GAA: variants seen among roughly 807,000 people sequenced by gnomAD.
GAA encodes alpha glucosidase, also known as lysosomal alpha-glucosidase.
GAA carries 88 observed loss-of-function variants against 103.9 expected under a neutral mutation model. The observed-to-expected ratio is 0.85, with a 90% CI of 0.71 to 1.01. The LOEUF is 1.01. Ranked by LOEUF, GAA falls within the 50% of genes least tolerant of loss-of-function variation. GAA has a pLI of 0.00. For synonymous variants in GAA, 572 were observed against 563.1 expected, an observed-to-expected ratio of 1.02 and a Z score of -0.22; for missense variants, 1,350 against 1,305.3, an observed-to-expected ratio of 1.03 and a Z score of -0.53.
Position 80,108,504 on chromosome 17 carries a change from C to A in GAA, c.1091C>A (p.Pro364Gln). Reference sequence around the variant, plus strand: ...TGGCCTGCAGGATACCCGTTCATGCCGCCATACTGGGGCCTGGGCTTCCAC... The same window carrying A: ...TGGCCTGCAGGATACCCGTTCATGCAGCCATACTGGGGCCTGGGCTTCCAC... ...YLDVVGYPFMPPYWGLGFHLC... is the reference protein window; with the variant it reads ...YLDVVGYPFMQPYWGLGFHLC... Residue 364 changes from proline (P) to glutamine (Q), a missense_variant, in exon 7 of 20, where the codon CCG (proline) becomes CAG (glutamine). Physicochemically the swap from Pro to Gln is moderately conservative, Grantham distance 76. Transcript: ENST00000302262. The A allele has an allele frequency of 6.2e-7, 1 of 1,613,138 alleles. No homozygotes were observed. Among genetic ancestry groups the A allele is most frequent in the Non-Finnish European group, 8.5e-7 (1 of 1,179,996 alleles).
intron 11 of GAA, 93 bp downstream of exon 11, chr17:80,111,118 C>G: frequency 1.7e-6 from 2 of 1,176,184 alleles, no homozygotes; most frequent in Non-Finnish European, 2.4e-6. Flanking sequence ...CTCTGAGAAG[C>G]AGATGGGCCA....
At position 80,107,801 on chromosome 17, in the gene GAA, C is replaced by A; in HGVS notation, c.860C>A (p.Pro287His). 1 of 1,611,416 alleles carries A rather than the reference C, an allele frequency of 6.2e-7. No individual in the cohort carries two copies. Among genetic ancestry groups the A allele is most frequent in the South Asian group, 1.1e-5 (1 of 90,952 alleles). ...AGCGCCGTCTCCTGCATGTCCCAGC[C>A]CGGTGCGAACCTCTACGGGTCTCAC... is the stretch of plus-strand genomic sequence containing the variant. ...TLWNRDLAPT[P>H]GANLYGSHPF... The change falls in exon 5 of 20, where the codon CCC becomes CAC. Residue 287 changes from proline (P) to histidine (H), a missense_variant and splice_region_variant. By Grantham distance (77) the Pro-to-His change is moderately conservative (BLOSUM62 -2). Coordinates refer to ENST00000302262, the MANE Select transcript of GAA (RefSeq NM_000152.5).
In GAA at chr17:80,118,313, C is replaced by A; in HGVS notation, c.2602C>A (p.Leu868Met). 6.3e-7 allele frequency: 1 copy of A among 1,586,314 alleles called. No homozygotes were observed. The highest frequency in any genetic ancestry group is 8.6e-7 in the Non-Finnish European group (1 of 1,164,114). Residue 868 changes from leucine (L) to methionine (M), a missense_variant, in exon 18 of 20, where the codon CTG (leucine) becomes ATG (methionine). Coordinates refer to ENST00000302262, the MANE Select transcript of GAA (RefSeq NM_000152.5). Reference sequence around the variant, plus strand: ...GGACGATGGAGAGAGCCTGGAAGTGCTGGAGCGAGGGGCCTACACACAGGT... The same window carrying A: ...GGACGATGGAGAGAGCCTGGAAGTGATGGAGCGAGGGGCCTACACACAGGT... ...FWDDGESLEV[L>M]ERGAYTQVIF...
rs1234721529 is a variant in GAA, at chr17:80,112,559, G to A, written c.1755-19G>A. 8 of 1,612,718 alleles carry A rather than the reference G, an allele frequency of 5.0e-6. No homozygotes were observed. Among genetic ancestry groups the A allele is most frequent in the Non-Finnish European group, 8.5e-7 (1 of 1,179,938 alleles). On this transcript the variant is annotated intron_variant, in intron 12 of 19. Transcript: ENST00000302262. The stretch of plus-strand genomic sequence containing the variant: ...GACCCCGCTCCACACAGCCCTCACG[G>A]TGTCCCCCACCACCCCAGGGCGCTG...
chr17:80,112,499 C>T, intron 12 of GAA, 79 bp from the exon 13 acceptor site: 1 of 1,575,000 alleles, frequency 6.3e-7, no homozygotes, highest in Non-Finnish European at 8.7e-7. Context: ...CTCCTTGCTC[C>T]CAGCTCTGCC....
chr17:80,113,183 C>T (rs749823115), intron 14 of GAA, 35 bp from the exon 15 acceptor site: 31 of 1,571,234 alleles, frequency 2.0e-5, no homozygotes, highest in Non-Finnish European at 2.6e-5. Context: ...GGCCCCAGCA[C>T]CCAAGTGCTT....
chr17:80,108,998 C>G (rs1001091851), intron 8 of GAA, among the ~76,000 whole-genome samples, 170 bp downstream of exon 8: 4 of 152,178 alleles, frequency 2.6e-5, no homozygotes, highest in African/African-American at 9.7e-5. Context: ...CCCCAGCTGT[C>G]CAGGGAGGTC....
chr17:80,119,151 C>G (rs1477916644), intron 19 of GAA, 121 bp from the exon 20 acceptor site: 3 of 1,030,318 alleles, frequency 2.9e-6, no homozygotes, highest in South Asian at 1.3e-5. Flanking sequence ...GGAGCTGCCC[C>G]CTGAGCGCCG....
At chr17:80,116,269 G>A (rs1002132711) in intron 15 of GAA, among the ~76,000 whole-genome samples, 2 of 152,246 alleles carry the variant, frequency 1.3e-5, no homozygotes, top group Admixed American at 6.5e-5. Context: ...TGGCACATTT[G>A]TGGAAAGCAA....
intron 9 of GAA, among the ~76,000 whole-genome samples, chr17:80,110,464 T>A (rs570420361): frequency 2.4e-4 from 37 of 152,364 alleles, no homozygotes; most frequent in Middle Eastern, 3.4e-3. Context: ...CCTGACGCTC[T>A]CTGGTTCTGC....
At chr17:80,108,222 A>T (rs1167619544) in intron 5 of GAA, 68 bp from the exon 6 acceptor site, 3 of 1,612,278 alleles carry the variant, frequency 1.9e-6, no homozygotes, top group Non-Finnish European at 2.5e-6. Flanking sequence ...TGATTGGCCC[A>T]TCTGTGGGGT....
chr17:80,113,424 C>T (rs1450542414), intron 15 of GAA, 58 bp downstream of exon 15: 1 of 1,442,524 alleles, frequency 6.9e-7, no homozygotes, highest in Non-Finnish European at 9.3e-7. Context: ...GGGCACGTAA[C>T]TCCCAGGCAG....
At position 80,118,292 on chromosome 17, in the gene GAA, G is replaced by A. The variant is rs372604133; in HGVS notation, c.2581G>A (p.Asp861Asn). The change falls in exon 18 of 20, where the codon GAT becomes AAT. Residue 861 changes from aspartate (D) to asparagine (N), a missense_variant. Coordinates refer to ENST00000302262, the MANE Select transcript of GAA (RefSeq NM_000152.5). ...GEARGELFWD[D>N]GESLEVLERG... is the part of the protein sequence containing the mutation. The stretch of plus-strand genomic sequence containing the variant: ...GGCCCGAGGGGAGCTGTTCTGGGAC[G>A]ATGGAGAGAGCCTGGAAGTGCTGGA... 1.3e-5 allele frequency: 20 copies of A among 1,597,454 alleles called. No homozygotes were observed. Among genetic ancestry groups the A allele is most frequent in the Middle Eastern group, 1.7e-4 (1 of 5,998 alleles).
At position 80,104,555 on chromosome 17, in the gene GAA, G is replaced by A. The variant is rs1315295351; in HGVS notation, c.-32G>A. ...CTGAGCCCGCTTTCTTCTCCCGCAGGCCTGTAGGAGCTGTCCAGGCCATCT... is the reference window on the plus strand; with the variant it reads ...CTGAGCCCGCTTTCTTCTCCCGCAGACCTGTAGGAGCTGTCCAGGCCATCT... On this transcript the variant is annotated splice_region_variant and 5_prime_UTR_variant, in exon 2 of 20. Transcript: ENST00000302262. This position sits in a 1 kb window ranked among gnomAD's most constrained non-coding sequence, Gnocchi z 4.0. 2 of 1,589,310 alleles carry A rather than the reference G, an allele frequency of 1.3e-6. No individual in the cohort carries two copies. The highest frequency in any genetic ancestry group is 1.7e-5 in the Admixed American group (1 of 58,884).
intron 3 of GAA, among the ~76,000 whole-genome samples, chr17:80,106,100 T>C (rs1392538392): frequency 6.6e-6 from 1 of 152,162 alleles, no homozygotes; most frequent in African/African-American, 2.4e-5. Context: ...TGTAAACACG[T>C]GTTCAGGACT....
chr17:80,113,490 G>A (rs542253751), intron 15 of GAA, 124 bp downstream of exon 15: 6 of 910,516 alleles, frequency 6.6e-6, no homozygotes, highest in Non-Finnish European at 9.6e-6. Context: ...CGCTGAGTGA[G>A]ACAACATTTG....
intron 1 of GAA, among the ~76,000 whole-genome samples, chr17:80,103,770 G>T (rs1340436691): frequency 6.6e-6 from 1 of 152,178 alleles, no homozygotes; most frequent in African/African-American, 2.4e-5. Context: ...GTCGCCAGAG[G>T]TTAAGTCCTT....
rs201286896 is a variant in GAA, at chr17:80,105,845, G to A, written c.643G>A (p.Glu215Lys). The change falls in exon 3 of 20, where the codon GAG becomes AAG. Residue 215 changes from glutamate to lysine, a missense_variant. Glu to Lys is a moderately conservative substitution (Grantham distance 56, BLOSUM62 1). Coordinates refer to ENST00000302262, the MANE Select transcript of GAA (RefSeq NM_000152.5). ...CCCACTCTACAGCGTGGAGTTCTCC[G>A]AGGAGCCCTTCGGGGTGATCGTGCG... ...PSPLYSVEFS[E>K]EPFGVIVRRQ... 1.1e-5 allele frequency: 18 copies of A among 1,608,190 alleles called. No homozygotes were observed. The highest frequency in any genetic ancestry group is 9.3e-5 in the African/African-American group (7 of 75,054).
chr17:80,117,350 G>A (rs575940411), intron 16 of GAA, among the ~76,000 whole-genome samples: 5 of 152,268 alleles, frequency 3.3e-5, no homozygotes, highest in East Asian at 1.9e-4. Flanking sequence ...CAAGTCCCAC[G>A]GCCATCACAG....
Sources: allele counts gnomAD v4.1 joint callset (sites outside exome capture counted in the v4.1 genomes callset), GRCh38; gene constraint gnomAD v4.1.1; non-coding constraint Gnocchi (gnomAD v3.1); transcripts MANE v1.5; gene names NCBI Gene and HGNC (gene_info 2026-07-23, HGNC 2026-07-21).